PRKCE: variants seen among roughly 807,000 people sequenced by gnomAD.
The protein encoded by PRKCE is protein kinase C epsilon.
PRKCE carries 16 observed loss-of-function variants against 85.4 expected under a neutral mutation model. The observed-to-expected ratio is 0.19, with a 90% CI of 0.13 to 0.28. PRKCE has a LOEUF of 0.28. Among genes scored for constraint, PRKCE ranks in the 10% least tolerant of loss-of-function variants. The probability of loss-of-function intolerance (pLI) is 1.00; values close to 1 mark genes in which losing one functional copy is unlikely to be tolerated. For synonymous variants in PRKCE, 388 were observed against 371.5 expected, an observed-to-expected ratio of 1.04 and a Z score of -0.51; for missense variants, 573 against 975.2, an observed-to-expected ratio of 0.59 and a Z score of 5.49.
intron 2 of PRKCE, among the ~76,000 whole-genome samples, chr2:45,850,458 C>T (rs553080031): frequency 1.3e-5 from 2 of 152,100 alleles, no homozygotes; most frequent in Non-Finnish European, 2.9e-5. Context: ...TCATACTGGC[C>T]CAAAATGGGT....
At chr2:45,792,805 A>AT (rs773609292) in intron 1 of PRKCE, among the ~76,000 whole-genome samples, 5 of 151,928 alleles carry the variant, frequency 3.3e-5, no homozygotes, top group South Asian at 2.1e-4. Context: ...TAATTAATTA[A>AT]TTTTTTTTGT....
chr2:46,159,135 C>CTT lies in PRKCE; in HGVS notation c.1921-470_1921-469dup, dbSNP rs541316895. On this transcript the variant is annotated intron_variant, in intron 13 of 14. Transcript: ENST00000306156. The surrounding 1 kb of genome is among the most constrained non-coding windows in gnomAD (Gnocchi z 4.1). ...AGTACATTTGATCATTTACCTGGTC[C>CTT]TTATTCCTTATCTCAAAAAGGACCG... Among the ~76,000 whole-genome samples, 442 of 152,284 alleles carry CTT rather than the reference C, an allele frequency of 2.9e-3. No individual in the cohort carries two copies. The highest frequency in any genetic ancestry group is 9.9e-3 in the African/African-American group (411 of 41,552).
At chr2:45,975,279 A>G (rs936956079) in intron 2 of PRKCE, among the ~76,000 whole-genome samples, 4 of 152,190 alleles carry the variant, frequency 2.6e-5, no homozygotes, top group Non-Finnish European at 5.9e-5. Context: ...GCCCACGATA[A>G]ACATTTATCA....
chr2:45,778,819 C>T (rs1240382703), intron 1 of PRKCE, among the ~76,000 whole-genome samples: 1 of 152,142 alleles, frequency 6.6e-6, no homozygotes, highest in Non-Finnish European at 1.5e-5. Flanking sequence ...CTTCGGAGCT[C>T]CTCCTCCTGA....
At chr2:45,872,390 C>A (rs1342239002) in intron 2 of PRKCE, among the ~76,000 whole-genome samples, 1 of 152,158 alleles carries the variant, frequency 6.6e-6, no homozygotes, top group African/African-American at 2.4e-5. Flanking sequence ...TCATGCAGGG[C>A]TTTGCAGATC....
chr2:45,718,339 C>CTTTTTTTTTTTTTTTTTTTTTTT (rs10708579), intron 1 of PRKCE, among the ~76,000 whole-genome samples: 2 of 83,346 alleles, frequency 2.4e-5, no homozygotes, highest in Non-Finnish European at 2.2e-5. Flanking sequence ...CAAATGCTTA[C>CTTTTTTTTTTTTTTTTTTTTTTT]TTTTTTTTTT....
intron 1 of PRKCE, among the ~76,000 whole-genome samples, chr2:45,733,886 T>G (rs1573114068): frequency 6.6e-6 from 1 of 152,244 alleles, no homozygotes; most frequent in East Asian, 1.9e-4. Context: ...AGAACAACGA[T>G]TTTGCTTTGA....
chr2:46,167,339 G>T (rs1407996935), intron 14 of PRKCE, among the ~76,000 whole-genome samples: 1 of 152,218 alleles, frequency 6.6e-6, no homozygotes, highest in Non-Finnish European at 1.5e-5. Context: ...TGCCTGAAAT[G>T]AGTAGCACAG....
intron 1 of PRKCE, among the ~76,000 whole-genome samples, chr2:45,792,604 A>C (rs1687119232): frequency 6.6e-6 from 1 of 151,988 alleles, no homozygotes; most frequent in African/African-American, 2.4e-5. Context: ...TTCCTGTCCC[A>C]CTTTTACTGC....
intron 2 of PRKCE, among the ~76,000 whole-genome samples, chr2:45,959,211 C>T (rs1701216097): frequency 6.6e-6 from 1 of 152,070 alleles, no homozygotes; most frequent in South Asian, 2.1e-4. Flanking sequence ...TGCAGGAAGA[C>T]CTCTACTTCC....
chr2:45,756,984 C>T (rs969799043), intron 1 of PRKCE, among the ~76,000 whole-genome samples: 1 of 152,124 alleles, frequency 6.6e-6, no homozygotes. Context: ...GGCGTGGTGG[C>T]TCATGCCTCT....
intron 11 of PRKCE, among the ~76,000 whole-genome samples, chr2:46,134,731 G>T (rs1171836098): frequency 6.6e-6 from 1 of 152,230 alleles, no homozygotes; most frequent in Non-Finnish European, 1.5e-5. Context: ...CTTGCTTGTG[G>T]TCACTCTGTC....
chr2:45,658,027 A>G (rs1675459884), intron 1 of PRKCE, among the ~76,000 whole-genome samples: 1 of 152,190 alleles, frequency 6.6e-6, no homozygotes, highest in Non-Finnish European at 1.5e-5. Flanking sequence ...TCTTCAGGAC[A>G]TTTGTAGGAA....
At chr2:46,091,725 C>T (rs79092960) in intron 11 of PRKCE, among the ~76,000 whole-genome samples, 1 of 152,108 alleles carries the variant, frequency 6.6e-6, no homozygotes, top group Non-Finnish European at 1.5e-5. Flanking sequence ...TAAATACCAC[C>T]TGCCACAGAG....
At chr2:46,026,288 G>A (rs1237984213) in intron 10 of PRKCE, among the ~76,000 whole-genome samples, 8 of 152,180 alleles carry the variant, frequency 5.3e-5, no homozygotes, top group Non-Finnish European at 1.5e-5. Context: ...AAAGATTAAG[G>A]TAAAGATGTG....
chr2:46,172,088 AG>A (rs1323224560), intron 14 of PRKCE, among the ~76,000 whole-genome samples: 1 of 152,208 alleles, frequency 6.6e-6, no homozygotes, highest in Non-Finnish European at 1.5e-5. Context: ...CGACTCTTGG[AG>A]GGCCAGTGGG....
At chr2:45,800,094 G>A (rs1687739274) in intron 1 of PRKCE, among the ~76,000 whole-genome samples, 1 of 152,208 alleles carries the variant, frequency 6.6e-6, no homozygotes, top group African/African-American at 2.4e-5. Flanking sequence ...GTATAATGCT[G>A]GGTAGATGAA....
chr2:45,902,918 G>C (rs140878098), intron 2 of PRKCE, among the ~76,000 whole-genome samples: 14 of 152,160 alleles, frequency 9.2e-5, no homozygotes, highest in Non-Finnish European at 1.9e-4. Context: ...GACTACTCAG[G>C]CCTTTGTATG....
intron 1 of PRKCE, among the ~76,000 whole-genome samples, chr2:45,723,630 A>G (rs1328287115): frequency 6.6e-6 from 1 of 151,132 alleles, no homozygotes; most frequent in Non-Finnish European, 1.5e-5. Flanking sequence ...TTTGAGACGG[A>G]GTTTCACTCT....
Sources: gnomAD v4.1 joint callset for allele counts (sites outside exome capture counted in the v4.1 genomes callset) on GRCh38, gnomAD v4.1.1 for gene constraint, Gnocchi (gnomAD v3.1) non-coding constraint, MANE v1.5 for transcripts, NCBI Gene and HGNC (gene_info 2026-07-23, HGNC 2026-07-21) for gene names.